The following MLIP variants were observed in gnomAD, a reference collection of about 807,000 sequenced individuals.
MLIP encodes the protein muscular LMNA interacting protein.
MLIP carries 79 observed loss-of-function variants against 84.8 expected under a neutral mutation model. That is an observed-to-expected ratio of 0.93 (90% confidence interval 0.78 to 1.12). MLIP has a LOEUF of 1.12. Among genes scored for constraint, MLIP ranks in the 50% most tolerant of loss-of-function variants. MLIP has a pLI of 0.00. For synonymous variants in MLIP, 504 were observed against 463.0 expected, an observed-to-expected ratio of 1.09 and a Z score of -1.14; for missense variants, 1,257 against 1,160.6, an observed-to-expected ratio of 1.08 and a Z score of -1.21.
chr6:54,043,326 G>A (rs1364092482), intron 1 of MLIP: 2 of 40,234 alleles, frequency 5.0e-5, no homozygotes, highest in Non-Finnish European at 9.9e-5. Flanking sequence ...TAAAAATGAT[G>A]TTTTAAATGA....
At chr6:54,193,964 A>T (rs1023710545) in intron 10 of MLIP, among the ~76,000 whole-genome samples, 3 of 152,186 alleles carry the variant, frequency 2.0e-5, no homozygotes, top group Non-Finnish European at 2.9e-5. Context: ...AGCCTGGTTT[A>T]GATGACATTT....
chr6:54,124,541 T>C lies in MLIP; in HGVS notation c.321T>C (p.Thr107=). The change falls in exon 3 of 14, where the codon ACT becomes ACC. Residue 107 remains threonine (T), a synonymous_variant. Transcript: ENST00000502396. The part of the protein sequence containing the change: ...SQQERDQAKL[T]CPSEVSGTIL... ...AAGAGAGAGACCAAGCGAAATTGAC[T>C]TGTCCTTCAGAGGTCAGTGGAACGA... 6.2e-7 allele frequency: 1 copy of C among 1,614,186 alleles called. No individual in the cohort carries two copies. The highest frequency in any genetic ancestry group is 8.5e-7 in the Non-Finnish European group (1 of 1,180,026).
chr6:54,203,328 A>G (rs1778818439), intron 11 of MLIP, among the ~76,000 whole-genome samples: 1 of 152,128 alleles, frequency 6.6e-6, no homozygotes, highest in Non-Finnish European at 1.5e-5. Flanking sequence ...TATTCAGAAA[A>G]CTTTCTGAAT....
intron 12 of MLIP, among the ~76,000 whole-genome samples, chr6:54,251,199 A>G (rs1782453385): frequency 6.6e-6 from 1 of 151,780 alleles, no homozygotes; most frequent in African/African-American, 2.4e-5. Context: ...AATTCATTTC[A>G]TCAATTTATA....
intron 1 of MLIP, chr6:54,047,125 G>C (rs551369867): frequency 6.6e-6 from 1 of 152,132 alleles, no homozygotes; most frequent in Admixed American, 6.6e-5. Flanking sequence ...AAAGTTACGT[G>C]GTAGATGGAT....
At chr6:54,020,139 G>C (rs976544520) in intron 1 of MLIP, among the ~76,000 whole-genome samples, 1 of 152,092 alleles carries the variant, frequency 6.6e-6, no homozygotes. Context: ...AATCAGAAAG[G>C]GCTTGGTGAA....
chr6:54,110,473 A>G (rs1769371614), upstream of MLIP, among the ~76,000 whole-genome samples: 1 of 152,170 alleles, frequency 6.6e-6, no homozygotes, highest in Non-Finnish European at 1.5e-5. Flanking sequence ...ATATTCAGAA[A>G]TTTAGATCAT....
chr6:54,109,909 TTTTC>T (rs796941191), upstream of MLIP, among the ~76,000 whole-genome samples: 376 of 112,622 alleles, frequency 3.3e-3, 7 homozygotes, highest in South Asian at 0.01. Flanking sequence ...CTTTCTTTCT[TTTTC>T]TTTCTTTCTT....
chr6:54,081,012 T>C (rs2150357201), intron 1 of MLIP, among the ~76,000 whole-genome samples: 1 of 152,226 alleles, frequency 6.6e-6, no homozygotes, highest in East Asian at 1.9e-4. Context: ...AGCTCTAAGA[T>C]TCATGATTTT....
chr6:54,126,361 T>C (rs1031231138), intron 3 of MLIP, among the ~76,000 whole-genome samples: 2 of 152,102 alleles, frequency 1.3e-5, no homozygotes, highest in African/African-American at 4.8e-5. Context: ...GAAGTGAATC[T>C]AGAGACTGAA....
chr6:54,187,866 G>C (rs1463787060), intron 9 of MLIP, among the ~76,000 whole-genome samples: 1 of 152,132 alleles, frequency 6.6e-6, no homozygotes, highest in Non-Finnish European at 1.5e-5. Context: ...AATTAGCCAG[G>C]TGTGGCAGCA....
chr6:54,254,772 C>T (rs900353009), intron 12 of MLIP, among the ~76,000 whole-genome samples: 4 of 140,660 alleles, frequency 2.8e-5, no homozygotes, highest in Non-Finnish European at 6.1e-5. Flanking sequence ...TCCTTCCCTT[C>T]CTCCCTCCCT....
chr6:54,125,359 TC>T (rs1770835401), intron 3 of MLIP, among the ~76,000 whole-genome samples: 1 of 152,166 alleles, frequency 6.6e-6, no homozygotes, highest in Non-Finnish European at 1.5e-5. Flanking sequence ...AAAATAATTT[TC>T]CCCTGTGTAT....
At chr6:54,072,205 A>G (rs1248631436) in intron 1 of MLIP, among the ~76,000 whole-genome samples, 1 of 152,176 alleles carries the variant, frequency 6.6e-6, no homozygotes, top group African/African-American at 2.4e-5. Flanking sequence ...AAAAAAATGC[A>G]GTTTTCACAT....
intron 1 of MLIP, among the ~76,000 whole-genome samples, chr6:54,088,888 A>G (rs993519793): frequency 2.6e-5 from 4 of 152,164 alleles, no homozygotes; most frequent in Admixed American, 2.6e-4. Context: ...TATGTGCTCA[A>G]ATTATTTTAT....
At chr6:54,171,649 TTAAA>T (rs1287016466) in intron 9 of MLIP, among the ~76,000 whole-genome samples, 1 of 151,560 alleles carries the variant, frequency 6.6e-6, no homozygotes, top group African/African-American at 2.4e-5. Context: ...AGCTTTGGTC[TTAAA>T]TGAACAAGAG....
At chr6:54,228,630 TCTTGATTGGATAGAA>T (rs1413114722) in intron 11 of MLIP, among the ~76,000 whole-genome samples, 1 of 152,216 alleles carries the variant, frequency 6.6e-6, no homozygotes, top group African/African-American at 2.4e-5. Context: ...AACATTTTCC[TCTTGATTGGATAGAA>T]CTTGATTCCG....
intron 3 of MLIP, among the ~76,000 whole-genome samples, chr6:54,128,867 C>T (rs760141340): frequency 1.3e-5 from 2 of 151,736 alleles, no homozygotes; most frequent in Non-Finnish European, 2.9e-5. Flanking sequence ...AGTGCCTGGC[C>T]AGTGGTAGGC....
intron 11 of MLIP, among the ~76,000 whole-genome samples, chr6:54,208,167 C>T (rs1002585238): frequency 8.5e-5 from 13 of 152,096 alleles, no homozygotes; most frequent in African/African-American, 3.1e-4. Flanking sequence ...TGTTTTAATT[C>T]TTTATTGGTT....
Sources: gnomAD v4.1 joint callset for allele counts (sites outside exome capture counted in the v4.1 genomes callset) on GRCh38, gnomAD v4.1.1 for gene constraint, MANE v1.5 for transcripts, NCBI Gene and HGNC (gene_info 2026-07-23, HGNC 2026-07-21) for gene names.